Variants in PRKCA observed in about 807,000 individuals in gnomAD.
The protein encoded by PRKCA is protein kinase C alpha type.
Under a neutral mutation model 87.0 loss-of-function variants are expected in PRKCA, and 27 were observed. The observed-to-expected ratio is 0.31, with a 90% CI of 0.23 to 0.43. The LOEUF (loss-of-function observed/expected upper bound fraction) is 0.43. Among genes scored for constraint, PRKCA ranks in the 20% least tolerant of loss-of-function variants. The pLI is 1.00. For missense variants in PRKCA, 518 were observed against 852.3 expected (o/e 0.61, Z 4.88); for synonymous variants, 329 against 311.1 (o/e 1.06, Z -0.61).
At chr17:66,797,058 T>C (rs932096692) in intron 16 of PRKCA, 3 of 898,356 alleles carry the variant, frequency 3.3e-6, no homozygotes, top group Admixed American at 1.2e-4. Flanking sequence ...GCTGAGACCA[T>C]GGGGTTGTAT....
intron 3 of PRKCA, among the ~76,000 whole-genome samples, chr17:66,537,680 C>T (rs1462470371): frequency 6.6e-6 from 1 of 152,148 alleles, no homozygotes; most frequent in Non-Finnish European, 1.5e-5. Context: ...AAAATACCAA[C>T]GTTTCCCTGA....
intron 8 of PRKCA, among the ~76,000 whole-genome samples, chr17:66,695,223 G>T (rs931137427): frequency 1.3e-5 from 2 of 152,174 alleles, no homozygotes; most frequent in African/African-American, 4.8e-5. Context: ...AATCAAGCCA[G>T]AAGGGCAAAT....
chr17:66,644,448 C>T (rs151138966), intron 4 of PRKCA, among the ~76,000 whole-genome samples: 9 of 152,266 alleles, frequency 5.9e-5, no homozygotes, highest in African/African-American at 1.2e-4. Context: ...GGTGATCGAG[C>T]TGGAACACCC....
intron 3 of PRKCA, among the ~76,000 whole-genome samples, chr17:66,541,571 A>C (rs1241742730): frequency 6.6e-6 from 1 of 152,244 alleles, no homozygotes; most frequent in Non-Finnish European, 1.5e-5. Context: ...AGCAGATGCT[A>C]GCTGCAGTTC....
intron 3 of PRKCA, among the ~76,000 whole-genome samples, chr17:66,592,043 T>C (rs76585857): frequency 0.014 from 2,094 of 152,198 alleles, 53 homozygotes; most frequent in African/African-American, 0.046. Context: ...ATTTTAATTT[T>C]TCTAAATAAA....
At chr17:66,318,040 A>G (rs2143191366) in intron 2 of PRKCA, among the ~76,000 whole-genome samples, 1 of 152,358 alleles carries the variant, frequency 6.6e-6, no homozygotes, top group South Asian at 2.1e-4. Flanking sequence ...AAAATTTAAT[A>G]GGTGGGCTTC....
chr17:66,460,156 A>G (rs183414648), intron 2 of PRKCA, among the ~76,000 whole-genome samples: 161 of 152,262 alleles, frequency 1.1e-3, no homozygotes, highest in Non-Finnish European at 1.6e-4. Flanking sequence ...TGTAACTTCA[A>G]TTATTACGCA....
intron 3 of PRKCA, among the ~76,000 whole-genome samples, chr17:66,604,287 C>T (rs1277174294): frequency 6.6e-6 from 1 of 151,910 alleles, no homozygotes; most frequent in African/African-American, 2.4e-5. Flanking sequence ...GGGTTCCTGG[C>T]ATAATAAACA....
chr17:66,796,803 G>C, intron 16 of PRKCA: 1 of 985,336 alleles, frequency 1.0e-6, no homozygotes, highest in Non-Finnish European at 1.2e-6. Context: ...GGTTGCTAAG[G>C]CGCTCCACTG....
intron 2 of PRKCA, among the ~76,000 whole-genome samples, chr17:66,319,415 G>A: frequency 6.6e-6 from 1 of 152,130 alleles, no homozygotes; most frequent in African/African-American, 2.4e-5. Flanking sequence ...AATTATTAAA[G>A]GTCAAAGTTT....
intron 3 of PRKCA, among the ~76,000 whole-genome samples, chr17:66,545,357 A>G (rs1968117460): frequency 6.6e-6 from 1 of 152,220 alleles, no homozygotes; most frequent in Non-Finnish European, 1.5e-5. Context: ...TGAACCCAAA[A>G]GGCGGAGCTT....
intron 2 of PRKCA, among the ~76,000 whole-genome samples, chr17:66,413,315 A>T (rs931143771): frequency 6.6e-6 from 1 of 152,182 alleles, no homozygotes. Context: ...GAAGGAAGAG[A>T]TGCACAGTAG....
intron 14 of PRKCA, 134 bp downstream of exon 14, chr17:66,774,201 A>G: frequency 6.5e-7 from 1 of 1,538,806 alleles, no homozygotes; most frequent in East Asian, 2.4e-5. Flanking sequence ...ACCCAGGCGA[A>G]AGAGGGAGAA....
intron 3 of PRKCA, among the ~76,000 whole-genome samples, chr17:66,522,413 C>T (rs1001954080): frequency 5.9e-5 from 9 of 152,088 alleles, no homozygotes; most frequent in African/African-American, 2.2e-4. Flanking sequence ...TGTCAGTTGG[C>T]AGGACCGAAA....
chr17:66,448,871 A>G (rs1013664332), intron 2 of PRKCA, among the ~76,000 whole-genome samples: 1 of 149,358 alleles, frequency 6.7e-6, no homozygotes, highest in Non-Finnish European at 1.5e-5. Context: ...AAAAAAAAAA[A>G]TCTAAAAGTT....
chr17:66,662,010 G>A (rs927353189), intron 5 of PRKCA, among the ~76,000 whole-genome samples: 1 of 152,216 alleles, frequency 6.6e-6, no homozygotes, highest in Non-Finnish European at 1.5e-5. Context: ...AATAAACAAA[G>A]GTAGTTGGCA....
At chr17:66,400,065 TC>T in intron 2 of PRKCA, among the ~76,000 whole-genome samples, 1 of 152,344 alleles carries the variant, frequency 6.6e-6, no homozygotes, top group Admixed American at 6.5e-5. Flanking sequence ...TCAACATCAT[TC>T]TATTTTTTTA....
At chr17:66,671,209 C>CAAAAAAAAAAAAAA (rs778507190) in intron 5 of PRKCA, among the ~76,000 whole-genome samples, 1 of 48,454 alleles carries the variant, frequency 2.1e-5, no homozygotes, top group African/African-American at 9.1e-5. Flanking sequence ...AGACTCATCT[C>CAAAAAAAAAAAAAA]AAAAAAAAAA....
chr17:66,615,559 G>C (rs189394562), intron 3 of PRKCA, among the ~76,000 whole-genome samples: 1 of 152,268 alleles, frequency 6.6e-6, no homozygotes, highest in African/African-American at 2.4e-5. Context: ...TCAAGCCTGA[G>C]AGAAAATGAA....
Sources: allele counts gnomAD v4.1 joint callset (sites outside exome capture counted in the v4.1 genomes callset), GRCh38; gene constraint gnomAD v4.1.1; transcripts MANE v1.5; gene names NCBI Gene and HGNC (gene_info 2026-07-23, HGNC 2026-07-21).